CINP: variants seen among roughly 807,000 people sequenced by gnomAD.
CINP encodes the protein cyclin-dependent kinase 2-interacting protein.
CINP carries 11 observed loss-of-function variants against 20.5 expected under a neutral mutation model. That is an observed-to-expected ratio of 0.54 (90% CI 0.34 to 0.89). The LOEUF (loss-of-function observed/expected upper bound fraction) is 0.89, where lower values mean the gene tolerates loss of function less well. Among genes scored for constraint, CINP ranks in the 40% least tolerant of loss-of-function variants. The pLI is 0.02. For synonymous variants in CINP, 108 were observed against 102.1 expected (o/e 1.06, Z -0.35); for missense variants, 213 against 251.0 (o/e 0.85, Z 1.02).
At chr14:102,353,203 A>G (rs1886911036) in intron 3 of CINP, among the ~76,000 whole-genome samples, 1 of 151,914 alleles carries the variant, frequency 6.6e-6, no homozygotes, top group East Asian at 1.9e-4. Context: ...AATTCCAAAT[A>G]ATTTATGTAG....
At position 102,351,255 on chromosome 14, in the gene CINP, C is replaced by T. The variant is rs1886861670; in HGVS notation, c.307-1207G>A. On this transcript the variant is annotated intron_variant, in intron 3 of 4. Coordinates refer to ENST00000216756, the MANE Select transcript of CINP (RefSeq NM_032630.3). This position sits in a 1 kb window ranked among gnomAD's most constrained non-coding sequence, Gnocchi z 4.2. ...AGGAAACGTGGCAAGCTGCCATTGA[C>T]GGTCCCTCAGTGTGGACCAGGCTCT... Among the ~76,000 whole-genome samples the T allele has an allele frequency of 6.6e-6, 1 of 152,216 alleles. No individual in the cohort carries two copies. Among genetic ancestry groups the T allele is most frequent in the South Asian group, 2.1e-4 (1 of 4,834 alleles).
chr14:102,353,981 C>T (rs1347517418), intron 3 of CINP, among the ~76,000 whole-genome samples: 6 of 151,972 alleles, frequency 3.9e-5, no homozygotes, highest in South Asian at 2.1e-4. Flanking sequence ...CCCAGCTACT[C>T]GGGAGGCTGA....
intron 2 of CINP, among the ~76,000 whole-genome samples, chr14:102,357,739 C>A (rs1887028856): frequency 6.6e-6 from 1 of 152,184 alleles, no homozygotes; most frequent in African/African-American, 2.4e-5. Flanking sequence ...ATCTCCATAA[C>A]ATAAAAGTGC....
rs748329768 is a variant in CINP, at chr14:102,362,807, A to C, written c.7+38T>G. ...CTGCGGCCTAAGCAGTAACATTCAC[A>C]GCCACCCCACCCCGGGAAAGGAACC... is the stretch of plus-strand genomic sequence containing the variant. On this transcript the variant is annotated intron_variant, in intron 1 of 4. Coordinates refer to ENST00000216756, the MANE Select transcript of CINP (RefSeq NM_032630.3). The C allele has an allele frequency of 3.7e-6, 6 of 1,613,474 alleles. No individual in the cohort carries two copies. In the South Asian group the frequency reaches 6.6e-5, roughly 18 times the overall value.
At chr14:102,352,454 C>G in intron 3 of CINP, 1 of 454,386 alleles carries the variant, frequency 2.2e-6, no homozygotes, top group Non-Finnish European at 4.4e-6. Flanking sequence ...ACAGCAAACA[C>G]AGACCACAGT....
intron 4 of CINP, among the ~76,000 whole-genome samples, chr14:102,349,240 C>T (rs956524421): frequency 6.6e-6 from 1 of 152,100 alleles, no homozygotes; most frequent in African/African-American, 2.4e-5. Context: ...CGTGACAGAG[C>T]GAGACTCTGT....
chr14:102,359,398 G>A, intron 2 of CINP, 21 bp downstream of exon 2: 1 of 1,535,712 alleles, frequency 6.5e-7, no homozygotes, highest in Non-Finnish European at 8.8e-7. Flanking sequence ...CTTAGAGCAT[G>A]AAAAACCAAT....
chr14:102,355,959 T>C, intron 2 of CINP, 62 bp from the exon 3 acceptor site: 1 of 1,554,096 alleles, frequency 6.4e-7, no homozygotes. Context: ...TATTTCCTTA[T>C]AATAAATTCT....
rs1886858535 is a variant in CINP, at chr14:102,351,084, A to G, written c.307-1036T>C. On this transcript the variant is annotated intron_variant, in intron 3 of 4. Transcript: ENST00000216756. This position sits in a 1 kb window ranked among gnomAD's most constrained non-coding sequence, Gnocchi z 4.2. ...CGTGATCCGCCCACCTCGGCCGCCC[A>G]AAGTGCTGGGATTCTAGGCATGAGA... Among the ~76,000 whole-genome samples the G allele has an allele frequency of 6.6e-6, 1 of 152,124 alleles. No individual in the cohort carries two copies.
At chr14:102,352,165 C>T (rs928827454) in intron 3 of CINP, among the ~76,000 whole-genome samples, 20 of 152,170 alleles carry the variant, frequency 1.3e-4, no homozygotes, top group African/African-American at 4.8e-4. Flanking sequence ...GGATTCCAGG[C>T]GTGAGCCACC....
At chr14:102,362,283 G>A (rs889111993) in intron 1 of CINP, among the ~76,000 whole-genome samples, 2 of 152,150 alleles carry the variant, frequency 1.3e-5, no homozygotes, top group Non-Finnish European at 2.9e-5. Flanking sequence ...GACAGGGTAG[G>A]GTGAGGGCAC....
intron 2 of CINP, among the ~76,000 whole-genome samples, 192 bp downstream of exon 2, chr14:102,359,227 A>AATATATATATATATATATATATAT (rs10632205): frequency 5.0e-4 from 58 of 115,360 alleles, no homozygotes; most frequent in Non-Finnish European, 8.5e-4. Flanking sequence ...TAAATAACTA[A>AATATATATATATATATATATATAT]ATATATATAT....
At chr14:102,360,078 T>A (rs1381885325) in intron 1 of CINP, among the ~76,000 whole-genome samples, 1 of 152,146 alleles carries the variant, frequency 6.6e-6, no homozygotes, top group Non-Finnish European at 1.5e-5. Context: ...TTGATCACGA[T>A]GCTGCCACTG....
intron 3 of CINP, among the ~76,000 whole-genome samples, chr14:102,350,758 T>G (rs1385412401): frequency 1.3e-5 from 2 of 151,630 alleles, no homozygotes; most frequent in Non-Finnish European, 2.9e-5. Flanking sequence ...TTTCTGAGGC[T>G]CTCTGTCTCT....
intron 2 of CINP, 133 bp downstream of exon 2, chr14:102,359,286 C>T: frequency 3.0e-6 from 1 of 338,902 alleles, no homozygotes; most frequent in Non-Finnish European, 5.3e-6. Context: ...ATGTACAATA[C>T]AATTTATACT....
chr14:102,356,706 C>T (rs183604039), intron 2 of CINP, among the ~76,000 whole-genome samples: 1 of 152,164 alleles, frequency 6.6e-6, no homozygotes. Flanking sequence ...GTAATTCTTA[C>T]AATATTTCAA....
rs144350712 is a variant in CINP at position 102,351,622 on chromosome 14, TC to T, written c.307-1575del. Among the ~76,000 whole-genome samples, 7,001 of 152,228 alleles carry T rather than the reference TC, an allele frequency of 0.046. 228 individuals carry two copies. Among genetic ancestry groups the T allele is most frequent in the Non-Finnish European group, 0.068 (4,638 of 68,004 alleles). ...TATATAAATTGTCAAATATCTTAAT[TC>T]CTTTACTTGGTCCTTCCAACCACCC... On this transcript the variant is annotated intron_variant, in intron 3 of 4. Coordinates refer to ENST00000216756, the MANE Select transcript of CINP (RefSeq NM_032630.3). This position sits in a 1 kb window ranked among gnomAD's most constrained non-coding sequence, Gnocchi z 4.2.
chr14:102,360,516 A>G (rs1887116519), intron 1 of CINP, among the ~76,000 whole-genome samples: 1 of 152,178 alleles, frequency 6.6e-6, no homozygotes, highest in African/African-American at 2.4e-5. Flanking sequence ...AAGTCAGAAG[A>G]CCACACTGCC....
At chr14:102,352,969 A>C (rs529021420) in intron 3 of CINP, among the ~76,000 whole-genome samples, 2 of 151,732 alleles carry the variant, frequency 1.3e-5, no homozygotes, top group Non-Finnish European at 2.9e-5. Flanking sequence ...TTAAAAAAAA[A>C]CAAATAAAAA....
Sources: gnomAD v4.1 joint callset for allele counts (sites outside exome capture counted in the v4.1 genomes callset) on GRCh38, gnomAD v4.1.1 for gene constraint, Gnocchi (gnomAD v3.1) non-coding constraint, MANE v1.5 for transcripts, NCBI Gene and HGNC (gene_info 2026-07-23, HGNC 2026-07-21) for gene names.